STK38L: variants seen among roughly 807,000 people sequenced by gnomAD.
The protein encoded by STK38L is serine/threonine-protein kinase 38-like.
In STK38L, 28 loss-of-function variants were observed where a neutral mutation model predicts 59.7. The ratio of observed to expected loss-of-function variants is 0.47; its 90% CI spans 0.35 to 0.64. The LOEUF is 0.64. STK38L is among the 30% of genes least tolerant of loss of function. The pLI is 0.01. For missense variants in STK38L, 314 were observed against 555.8 expected (o/e 0.56, Z 4.37); for synonymous variants, 162 against 176.8 (o/e 0.92, Z 0.66).
At chr12:27,259,034 G>A (rs750440162) in intron 1 of STK38L, among the ~76,000 whole-genome samples, 3 of 152,174 alleles carry the variant, frequency 2.0e-5, no homozygotes, top group Non-Finnish European at 4.4e-5. Flanking sequence ...ACATAGATTT[G>A]TCTTATAGCT....
chr12:27,252,482 T>C (rs1312029518), intron 1 of STK38L, among the ~76,000 whole-genome samples: 1 of 152,272 alleles, frequency 6.6e-6, no homozygotes, highest in Non-Finnish European at 1.5e-5. Flanking sequence ...TAGTTAAGTG[T>C]CTACCCACTG....
intron 2 of STK38L, among the ~76,000 whole-genome samples, chr12:27,301,720 A>AT (rs1944177872): frequency 6.6e-6 from 1 of 152,232 alleles, no homozygotes; most frequent in Admixed American, 6.5e-5. Context: ...CATTTAGCTA[A>AT]TAAGTGTTAG....
chr12:27,273,351 A>G (rs1943464542), intron 1 of STK38L, among the ~76,000 whole-genome samples: 1 of 152,118 alleles, frequency 6.6e-6, no homozygotes, highest in African/African-American at 2.4e-5. Context: ...ATGGCTTGGG[A>G]GAGCAGTACT....
At chr12:27,271,726 G>C (rs10842894) in intron 1 of STK38L, among the ~76,000 whole-genome samples, 95,045 of 152,030 alleles carry the variant, frequency 0.63, 30,185 homozygotes, top group African/African-American at 0.66. Context: ...TTGAGACGGA[G>C]TTTTGCTCTG....
At chr12:27,286,192 A>G (rs1943768657) in intron 1 of STK38L, among the ~76,000 whole-genome samples, 2 of 152,170 alleles carry the variant, frequency 1.3e-5, no homozygotes, top group East Asian at 1.9e-4. Flanking sequence ...AAATTCGAGT[A>G]CTGTGGTACC....
chr12:27,289,881 A>G (rs1216084673), intron 1 of STK38L, among the ~76,000 whole-genome samples: 1 of 152,136 alleles, frequency 6.6e-6, no homozygotes, highest in African/African-American at 2.4e-5. Context: ...TCTTTTTGCT[A>G]CATTTCTCTC....
intron 2 of STK38L, 101 bp from the exon 3 acceptor site, chr12:27,302,036 T>C: frequency 1.3e-6 from 1 of 794,004 alleles, no homozygotes; most frequent in Non-Finnish European, 1.9e-6. Flanking sequence ...TTTTTTAGCC[T>C]AGCAAGCTGA....
chr12:27,253,299 A>G (rs1943016858), intron 1 of STK38L, among the ~76,000 whole-genome samples: 1 of 152,210 alleles, frequency 6.6e-6, no homozygotes, highest in South Asian at 2.1e-4. Context: ...TTAGAGTTGT[A>G]AGTGGCAGTA....
In STK38L at chr12:27,323,210, T is replaced by C. The variant is rs1165912456; in HGVS notation, c.*755T>C. On this transcript the variant is annotated 3_prime_UTR_variant, in exon 14 of 14. Transcript: ENST00000389032. Reference sequence around the variant, plus strand: ...TATACTCATAGGGAGATGTACTGTATTATATAACATGTAAAGTTGATTTTC... The same window carrying C: ...TATACTCATAGGGAGATGTACTGTACTATATAACATGTAAAGTTGATTTTC... 1 of 152,182 alleles carries C rather than the reference T, an allele frequency of 6.6e-6. No individual in the cohort carries two copies. Among genetic ancestry groups the C allele is most frequent in the African/African-American group, 2.4e-5 (1 of 41,454 alleles). The allele number at this position is 152,182 out of a possible 1,614,324, so 9.4% of individuals were successfully genotyped here.
chr12:27,280,025 T>A (rs1943620119), intron 1 of STK38L, among the ~76,000 whole-genome samples: 1 of 152,126 alleles, frequency 6.6e-6, no homozygotes, highest in South Asian at 2.1e-4. Context: ...ACTGTAAAGA[T>A]CAAAGAACAG....
chr12:27,299,728 A>G (rs1290699991), intron 2 of STK38L, among the ~76,000 whole-genome samples: 2 of 152,182 alleles, frequency 1.3e-5, no homozygotes, highest in South Asian at 2.1e-4. Context: ...TTCTAGAGTA[A>G]CCATAAAATG....
chr12:27,261,058 A>G (rs1164880327), intron 1 of STK38L, among the ~76,000 whole-genome samples: 2 of 152,208 alleles, frequency 1.3e-5, no homozygotes, highest in Admixed American at 6.5e-5. Flanking sequence ...CTATTGTAAC[A>G]AACTTGAAAA....
chr12:27,253,004 A>G (rs1943010083), intron 1 of STK38L, among the ~76,000 whole-genome samples: 1 of 152,192 alleles, frequency 6.6e-6, no homozygotes. Flanking sequence ...ACGGAGTAAC[A>G]GGGTACTGTG....
intron 2 of STK38L, among the ~76,000 whole-genome samples, chr12:27,301,741 A>G (rs1944178205): frequency 6.6e-6 from 1 of 152,198 alleles, no homozygotes; most frequent in African/African-American, 2.4e-5. Flanking sequence ...AACCAGGGAT[A>G]TTTACCTTAA....
rs1341802247 is a variant in STK38L, at chr12:27,324,118, T to C, written c.*1663T>C. On this transcript the variant is annotated 3_prime_UTR_variant, in exon 14 of 14. Transcript: ENST00000389032. ...CAGTGTTTCATAAGGCCATCCTGTT[T>C]CCCCCAACTCCCCCATTTTTGGTTT... 1.3e-5 allele frequency: 2 copies of C among 152,090 alleles called. No homozygotes were observed. Among genetic ancestry groups the C allele is most frequent in the African/African-American group, 4.8e-5 (2 of 41,440 alleles). 9.4% of individuals were successfully genotyped at this position (152,090 alleles called of 1,614,324 possible).
intron 1 of STK38L, among the ~76,000 whole-genome samples, chr12:27,288,709 T>TTA (rs1195925815): frequency 5.3e-5 from 8 of 151,558 alleles, no homozygotes; most frequent in Non-Finnish European, 8.8e-5. Context: ...ATATATCATT[T>TTA]TATATATATA....
intron 7 of STK38L, 95 bp downstream of exon 7, chr12:27,314,753 A>C: frequency 1.5e-6 from 2 of 1,339,602 alleles, no homozygotes; most frequent in African/African-American, 1.5e-5. Context: ...TGCAATTTAG[A>C]ATATTGCTAA....
chr12:27,294,047 G>A (rs1206541527), intron 1 of STK38L, among the ~76,000 whole-genome samples: 1 of 152,046 alleles, frequency 6.6e-6, no homozygotes, highest in Non-Finnish European at 1.5e-5. Context: ...TACTTTTAAG[G>A]TTTTCCCACC....
intron 1 of STK38L, among the ~76,000 whole-genome samples, chr12:27,261,239 A>G (rs1943197804): frequency 6.6e-6 from 1 of 152,186 alleles, no homozygotes; most frequent in African/African-American, 2.4e-5. Flanking sequence ...TCTAGCGGCT[A>G]TCCCAAAAGT....
Sources: gnomAD v4.1 joint callset for allele counts (sites outside exome capture counted in the v4.1 genomes callset) on GRCh38, gnomAD v4.1.1 for gene constraint, MANE v1.5 for transcripts, NCBI Gene and HGNC (gene_info 2026-07-23, HGNC 2026-07-21) for gene names.